The following CTNNA2 variants were observed in gnomAD, a reference collection of about 807,000 sequenced individuals.
The protein encoded by CTNNA2 is catenin alpha 2.
In CTNNA2, 42 loss-of-function variants were observed where a neutral mutation model predicts 101.0. The observed-to-expected ratio is 0.42, with a 90% confidence interval of 0.32 to 0.54. The LOEUF (loss-of-function observed/expected upper bound fraction) is 0.54, where lower values mean the gene tolerates loss of function less well. CTNNA2 is among the 20% of genes least tolerant of loss of function. The probability of loss-of-function intolerance (pLI) is 0.14; values close to 1 mark genes in which losing one functional copy is unlikely to be tolerated. For synonymous variants in CTNNA2, 450 were observed against 456.4 expected (o/e 0.99, Z 0.18); for missense variants, 871 against 1,223.1 (o/e 0.71, Z 4.29).
rs1376635758 is a variant in CTNNA2, at chr2:80,197,359, C to T, written c.1057-195852C>T. The stretch of plus-strand genomic sequence containing the variant: ...ATTGTCTGCTTGGATTATAATGTAT[C>T]GCTTCTTTCCCTACTCTACTAAGAA... On this transcript the variant is annotated intron_variant, in intron 7 of 18. Transcript: ENST00000402739. 2.6e-5 allele frequency among the ~76,000 whole-genome samples: 4 copies of T among 151,886 alleles called. No individual in the cohort carries two copies. The East Asian group carries it at 5.8e-4, about 22-fold the overall frequency.
At chr2:80,514,076 A>G (rs1403678464) in intron 9 of CTNNA2, among the ~76,000 whole-genome samples, 1 of 152,084 alleles carries the variant, frequency 6.6e-6, no homozygotes, top group Non-Finnish European at 1.5e-5. Context: ...ACTAGATTTT[A>G]TATATCTGTC....
intron 18 of CTNNA2, among the ~76,000 whole-genome samples, chr2:80,627,103 C>G (rs1431850591): frequency 1.3e-5 from 2 of 152,092 alleles, no homozygotes; most frequent in African/African-American, 4.8e-5. Flanking sequence ...TTTTCTTAAC[C>G]CATTCTATCA....
chr2:79,420,377 T>G (rs1234880911), intron 4 of CTNNA2, among the ~76,000 whole-genome samples: 1 of 152,084 alleles, frequency 6.6e-6, no homozygotes, highest in Non-Finnish European at 1.5e-5. Context: ...AAATCCTGTC[T>G]TAGGAAGAAT....
chr2:80,060,562 A>G (rs1441553803), intron 7 of CTNNA2, among the ~76,000 whole-genome samples: 1 of 152,102 alleles, frequency 6.6e-6, no homozygotes, highest in Non-Finnish European at 1.5e-5. Flanking sequence ...AGCATCTCTT[A>G]TCACTGTGTG....
At chr2:80,121,357 A>G (rs1297943884) in intron 7 of CTNNA2, among the ~76,000 whole-genome samples, 4 of 152,228 alleles carry the variant, frequency 2.6e-5, no homozygotes, top group Non-Finnish European at 5.9e-5. Context: ...CATTATTATT[A>G]CTTTTATCCT....
chr2:79,551,109 T>C (rs1039062563), intron 1 of CTNNA2, among the ~76,000 whole-genome samples: 1 of 152,192 alleles, frequency 6.6e-6, no homozygotes, highest in Non-Finnish European at 1.5e-5. Context: ...CGTCACTATA[T>C]AGCTGCTGCA....
intron 4 of CTNNA2, among the ~76,000 whole-genome samples, chr2:79,504,036 G>C (rs62141438): frequency 0.072 from 10,907 of 152,154 alleles, 546 homozygotes; most frequent in Non-Finnish European, 0.1. Flanking sequence ...ACCCAAAGAG[G>C]CTACTCCACT....
At chr2:79,942,757 C>T (rs981782722) in intron 7 of CTNNA2, among the ~76,000 whole-genome samples, 1 of 152,180 alleles carries the variant, frequency 6.6e-6, no homozygotes, top group Non-Finnish European at 1.5e-5. Context: ...TCTGGCAACA[C>T]ATCTCTTTTG....
chr2:80,291,144 GAT>G (rs1478243899), intron 7 of CTNNA2, among the ~76,000 whole-genome samples: 1 of 152,216 alleles, frequency 6.6e-6, no homozygotes, highest in African/African-American at 2.4e-5. Context: ...TCTGACCAAA[GAT>G]AGTTTTTCCT....
chr2:79,831,365 T>C (rs1678912196), intron 3 of CTNNA2, among the ~76,000 whole-genome samples: 1 of 152,194 alleles, frequency 6.6e-6, no homozygotes, highest in Non-Finnish European at 1.5e-5. Context: ...TTATGCTAAC[T>C]CCAGCGTAAT....
At chr2:79,224,346 T>C (rs1307700828) in intron 2 of CTNNA2, among the ~76,000 whole-genome samples, 1 of 152,164 alleles carries the variant, frequency 6.6e-6, no homozygotes, top group African/African-American at 2.4e-5. Context: ...CAACGCTTTA[T>C]CTTGACATTT....
At chr2:80,322,103 C>A (rs1678754709) in intron 7 of CTNNA2, among the ~76,000 whole-genome samples, 1 of 152,166 alleles carries the variant, frequency 6.6e-6, no homozygotes, top group South Asian at 2.1e-4. Context: ...CATAGAACTA[C>A]TTTATCAAAA....
At chr2:80,190,097 T>C (rs1344776843) in intron 7 of CTNNA2, among the ~76,000 whole-genome samples, 1 of 152,028 alleles carries the variant, frequency 6.6e-6, no homozygotes, top group Non-Finnish European at 1.5e-5. Context: ...TCTCTAAAAC[T>C]AGACCTTAAA....
intron 11 of CTNNA2, among the ~76,000 whole-genome samples, chr2:80,547,390 A>AGGGTAG (rs1405924026): frequency 6.6e-6 from 1 of 152,126 alleles, no homozygotes; most frequent in Non-Finnish European, 1.5e-5. Flanking sequence ...AGTCATTGAG[A>AGGGTAG]GGGTAGGTAA....
At chr2:79,708,850 T>A (rs1377574711) in intron 2 of CTNNA2, among the ~76,000 whole-genome samples, 2 of 152,186 alleles carry the variant, frequency 1.3e-5, no homozygotes, top group African/African-American at 4.8e-5. Flanking sequence ...TCCTTTTCTA[T>A]GAGAGGTGGC....
chr2:80,108,593 A>G (rs1701025391), intron 7 of CTNNA2, among the ~76,000 whole-genome samples: 1 of 152,188 alleles, frequency 6.6e-6, no homozygotes, highest in Admixed American at 6.5e-5. Context: ...AGATTTTACT[A>G]ATGCGATAAA....
At chr2:79,668,379 A>G (rs1000314258) in intron 2 of CTNNA2, among the ~76,000 whole-genome samples, 1 of 151,844 alleles carries the variant, frequency 6.6e-6, no homozygotes, top group African/African-American at 2.4e-5. Context: ...ATTTAAATGA[A>G]TGTATGAGCT....
At chr2:80,188,063 G>A (rs1174103747) in intron 7 of CTNNA2, among the ~76,000 whole-genome samples, 1 of 152,138 alleles carries the variant, frequency 6.6e-6, no homozygotes, top group Admixed American at 6.6e-5. Context: ...TAAAGCCAGT[G>A]CCCCCAACCT....
At chr2:80,583,431 CTG>C (rs770901273) in intron 14 of CTNNA2, among the ~76,000 whole-genome samples, 13 of 152,160 alleles carry the variant, frequency 8.5e-5, no homozygotes, top group Non-Finnish European at 1.5e-4. Flanking sequence ...TCTTTTGACT[CTG>C]TGTTGGCAAA....
Sources: gnomAD v4.1 joint callset for allele counts (sites outside exome capture counted in the v4.1 genomes callset) on GRCh38, gnomAD v4.1.1 for gene constraint, MANE v1.5 for transcripts, NCBI Gene and HGNC (gene_info 2026-07-23, HGNC 2026-07-21) for gene names.